GALNT7: variants seen among roughly 807,000 people sequenced by gnomAD.
GALNT7 encodes polypeptide N-acetylgalactosaminyltransferase 7, also known as N-acetylgalactosaminyltransferase 7.
A neutral mutation model predicts 82.1 loss-of-function variants in GALNT7; 60 were observed. That is an observed-to-expected ratio of 0.73 (90% CI 0.59 to 0.91). The LOEUF (loss-of-function observed/expected upper bound fraction) is 0.91. GALNT7 is among the 40% of genes least tolerant of loss of function. The pLI, the probability that GALNT7 is intolerant of heterozygous loss-of-function variation, is 0.00. For missense variants in GALNT7, 660 were observed against 804.2 expected, an observed-to-expected ratio of 0.82 and a Z score of 2.17; for synonymous variants, 243 against 275.1, an observed-to-expected ratio of 0.88 and a Z score of 1.15.
At chr4:173,301,555 G>T (rs1398261238) in intron 6 of GALNT7, among the ~76,000 whole-genome samples, 1 of 152,100 alleles carries the variant, frequency 6.6e-6, no homozygotes, top group Non-Finnish European at 1.5e-5. Flanking sequence ...AACTGTGGTT[G>T]TTCTACAATG....
intron 1 of GALNT7, among the ~76,000 whole-genome samples, chr4:173,185,501 G>T (rs1322946934): frequency 6.6e-6 from 1 of 151,832 alleles, no homozygotes; most frequent in Non-Finnish European, 1.5e-5. Context: ...TTGATTGAGA[G>T]AAATCCCTTA....
intron 1 of GALNT7, among the ~76,000 whole-genome samples, chr4:173,236,818 C>T (rs1226897560): frequency 2.6e-5 from 4 of 152,302 alleles, no homozygotes; most frequent in East Asian, 3.9e-4. Context: ...TAACATGGCA[C>T]TTTTATATAG....
chr4:173,185,176 G>C (rs1409638401), intron 1 of GALNT7, among the ~76,000 whole-genome samples: 4 of 152,216 alleles, frequency 2.6e-5, no homozygotes, highest in Non-Finnish European at 2.9e-5. Context: ...CAAAATGCAT[G>C]AGAAATTTGA....
At chr4:173,239,220 A>G (rs1734335036) in intron 1 of GALNT7, among the ~76,000 whole-genome samples, 1 of 152,246 alleles carries the variant, frequency 6.6e-6, no homozygotes, top group African/African-American at 2.4e-5. Context: ...GTAGGGAAAT[A>G]ATGTTTTCAC....
chr4:173,289,864 C>G (rs1452412412), intron 2 of GALNT7, among the ~76,000 whole-genome samples: 1 of 152,100 alleles, frequency 6.6e-6, no homozygotes, highest in Non-Finnish European at 1.5e-5. Flanking sequence ...TCAGGCAGAC[C>G]ATTTCTGCAG....
At chr4:173,294,617 G>A (rs1387129821) in intron 3 of GALNT7, among the ~76,000 whole-genome samples, 2 of 152,098 alleles carry the variant, frequency 1.3e-5, no homozygotes, top group Non-Finnish European at 1.5e-5. Context: ...TAAATGATCT[G>A]CAGCTCATTC....
Position 173,290,648 on chromosome 4 carries a change from C to T in GALNT7, c.588-1460C>T, listed in dbSNP as rs144896148. ...GGAACTTTCACCTTTATGTCGTAAA[C>T]TTCTATGTTGTTTGAATTTTGTACA... On this transcript the variant is annotated intron_variant, in intron 2 of 11. Coordinates refer to ENST00000265000, the MANE Select transcript of GALNT7 (RefSeq NM_017423.3). 7.3e-3 allele frequency among the ~76,000 whole-genome samples: 1,113 copies of T among 152,270 alleles called. 12 individuals are homozygous for T. The highest frequency in any genetic ancestry group is 0.025 in the African/African-American group (1,039 of 41,546).
intron 2 of GALNT7, among the ~76,000 whole-genome samples, chr4:173,265,979 C>T (rs2126776683): frequency 6.6e-6 from 1 of 152,156 alleles, no homozygotes; most frequent in South Asian, 2.1e-4. Flanking sequence ...TAGAACTGGC[C>T]AGGCTCAATG....
chr4:173,203,659 T>C (rs1411429604), intron 1 of GALNT7, among the ~76,000 whole-genome samples: 2 of 152,198 alleles, frequency 1.3e-5, no homozygotes, highest in Admixed American at 6.5e-5. Flanking sequence ...TACCGTTAGG[T>C]TTATATACAA....
chr4:173,214,775 C>T (rs969155253), intron 1 of GALNT7, among the ~76,000 whole-genome samples: 1 of 148,864 alleles, frequency 6.7e-6, no homozygotes, highest in Non-Finnish European at 1.5e-5. Context: ...TCCTTGTCTT[C>T]CTTTTGCTTC....
intron 1 of GALNT7, among the ~76,000 whole-genome samples, chr4:173,197,150 T>A (rs1476613821): frequency 2.7e-5 from 4 of 148,430 alleles, no homozygotes; most frequent in Non-Finnish European, 5.9e-5. Flanking sequence ...CCTAATTCCA[T>A]GAATGCCTTC....
intron 1 of GALNT7, among the ~76,000 whole-genome samples, chr4:173,213,956 G>A (rs1733361281): frequency 1.3e-5 from 2 of 152,042 alleles, no homozygotes; most frequent in African/African-American, 2.4e-5. Flanking sequence ...AGGGCTTTTA[G>A]ATAGACTTAA....
intron 2 of GALNT7, among the ~76,000 whole-genome samples, chr4:173,273,890 T>A (rs1735812752): frequency 6.6e-6 from 1 of 152,232 alleles, no homozygotes; most frequent in African/African-American, 2.4e-5. Context: ...AATGCAGACC[T>A]TTATTTGCTC....
rs1182014467 is a variant in GALNT7 at position 173,302,911 on chromosome 4, A to G, written c.1266+747A>G. 6.6e-6 allele frequency among the ~76,000 whole-genome samples: 1 copy of G among 152,232 alleles called. No individual in the cohort carries two copies. The highest frequency in any genetic ancestry group is 1.5e-5 in the Non-Finnish European group (1 of 68,040). On this transcript the variant is annotated intron_variant, in intron 7 of 11. Coordinates refer to ENST00000265000, the MANE Select transcript of GALNT7 (RefSeq NM_017423.3). The surrounding 1 kb of genome is among the most constrained non-coding windows in gnomAD (Gnocchi z 4.2). ...GAATGGCATTCAGTTGGTGTGCTTAAAAAACCGTCGGCCAGGCGCTCATGC... is the reference window on the plus strand; with the variant it reads ...GAATGGCATTCAGTTGGTGTGCTTAGAAAACCGTCGGCCAGGCGCTCATGC...
At chr4:173,232,813 C>T (rs538961321) in intron 1 of GALNT7, among the ~76,000 whole-genome samples, 6 of 152,220 alleles carry the variant, frequency 3.9e-5, no homozygotes, top group Non-Finnish European at 5.9e-5. Flanking sequence ...TCCCTATGGT[C>T]ACCCTACTGT....
chr4:173,225,018 A>AAT (rs1733777918), intron 1 of GALNT7, among the ~76,000 whole-genome samples: 2 of 144,576 alleles, frequency 1.4e-5, no homozygotes, highest in African/African-American at 5.1e-5. Flanking sequence ...CTGTCTCAAA[A>AAT]AATAATAATA....
rs1211539230 is a variant in GALNT7, at chr4:173,248,040, G to A, written c.187G>A (p.Glu63Lys). The A allele has an allele frequency of 3.1e-6, 5 of 1,613,732 alleles. No individual in the cohort carries two copies. The South Asian group carries it at 4.4e-5, about 14-fold the overall frequency. Residue 63 changes from glutamate (E) to lysine (K), a missense_variant, in exon 2 of 12, where the codon GAG (glutamate) becomes AAG (lysine). Glu to Lys is a moderately conservative substitution (Grantham distance 56). This residue lies in a region of GALNT7 where 133 missense variants were observed against 120.7 expected (regional missense o/e 1.10). Transcript: ENST00000265000. ...AGGCGGCAATGGACTAGCTCCTGGG[G>A]AGGACAGATTCAAACCTGTGGTACC... Reference protein sequence around the residue: ...NRGGNGLAPGEDRFKPVVPWP... With the variant: ...NRGGNGLAPGKDRFKPVVPWP...
intron 1 of GALNT7, among the ~76,000 whole-genome samples, chr4:173,224,286 G>A (rs905704980): frequency 6.6e-6 from 1 of 151,664 alleles, no homozygotes; most frequent in East Asian, 1.9e-4. Context: ...TCACCATATC[G>A]AATTTTTCCC....
intron 1 of GALNT7, among the ~76,000 whole-genome samples, chr4:173,222,295 T>C (rs1245412642): frequency 6.6e-6 from 1 of 152,174 alleles, no homozygotes; most frequent in Non-Finnish European, 1.5e-5. Flanking sequence ...TTTTTTGAGA[T>C]GGAGTCTCGC....
Sources: gnomAD v4.1 joint callset for allele counts (sites outside exome capture counted in the v4.1 genomes callset) on GRCh38, gnomAD v4.1.1 for gene constraint, gnomAD v4.1.1 regional missense constraint, Gnocchi (gnomAD v3.1) non-coding constraint, MANE v1.5 for transcripts, NCBI Gene and HGNC (gene_info 2026-07-23, HGNC 2026-07-21) for gene names.